BCAS4: variants seen among roughly 807,000 people sequenced by gnomAD.
BCAS4 encodes breast carcinoma amplified sequence 4.
Under a neutral mutation model 15.7 loss-of-function variants are expected in BCAS4, and 9 were observed. The observed-to-expected ratio is 0.57, with a 90% CI of 0.34 to 1.00. The LOEUF is 1.00. BCAS4 is among the 50% of genes least tolerant of loss of function. BCAS4 has a pLI of 0.02. For missense variants in BCAS4, 225 were observed against 239.1 expected (o/e 0.94, Z 0.39); for synonymous variants, 101 against 99.5 (o/e 1.02, Z -0.09).
intron 1 of BCAS4, among the ~76,000 whole-genome samples, chr20:50,803,769 G>A (rs185279261): frequency 1.3e-5 from 2 of 149,792 alleles, no homozygotes; most frequent in Admixed American, 6.7e-5. Flanking sequence ...CTTCAGCCTT[G>A]GGGACAAAAT....
At chr20:50,858,901 A>G (rs1370088913) in intron 4 of BCAS4, among the ~76,000 whole-genome samples, 1 of 146,382 alleles carries the variant, frequency 6.8e-6, no homozygotes, top group Non-Finnish European at 1.5e-5. Context: ...TAACTTTTGT[A>G]TTTTTTGTAG....
At position 50,840,530 on chromosome 20, in the gene BCAS4, C is replaced by G. The variant is rs766299462; in HGVS notation, c.265-1236C>G. 2.6e-5 allele frequency: 38 copies of G among 1,436,996 alleles called. 2 individuals are homozygous for G. In the South Asian group the frequency reaches 4.2e-4, roughly 16 times the overall value. 89.0% of individuals were successfully genotyped at this position (1,436,996 alleles called of 1,614,324 possible). A position where few individuals can be genotyped will look rare whatever the true frequency, so the allele number is the denominator to read the frequency against. ...TAAACTTGATCCAACCTCTTTGCATCTTACAGAGTTAAACAGCTAAAAGAA... is the reference window on the plus strand; with the variant it reads ...TAAACTTGATCCAACCTCTTTGCATGTTACAGAGTTAAACAGCTAAAAGAA... On this transcript the variant is annotated intron_variant, in intron 3 of 4. Coordinates refer to ENST00000371608, the MANE Select transcript of BCAS4 (RefSeq NM_198799.4).
Position 50,851,387 on chromosome 20 carries a change from G to A in BCAS4, c.399+9487G>A, listed in dbSNP as rs562878396. Among the ~76,000 whole-genome samples the A allele has an allele frequency of 1.8e-4, 27 of 152,306 alleles. No individual in the cohort carries two copies. In the South Asian group the frequency reaches 5.2e-3, roughly 29 times the overall value. On this transcript the variant is annotated intron_variant, in intron 4 of 4. Transcript: ENST00000371608. This position sits in a 1 kb window ranked among gnomAD's most constrained non-coding sequence, Gnocchi z 4.3. The stretch of plus-strand genomic sequence containing the variant: ...CCCACGGCTCCCAGGGACCTCCCGG[G>A]TTCGTTTCCTTCAAGGTCTTTGGTG...
rs186177104 is a variant in BCAS4, at chr20:50,850,482, T to G, written c.399+8582T>G. Among the ~76,000 whole-genome samples the G allele has an allele frequency of 5.1e-4, 78 of 152,334 alleles. No homozygotes were observed. The Middle Eastern group carries it at 0.01, about 20-fold the overall frequency. ...TCGAGATCTTTGGGCTAGTTCTGCC[T>G]CAACCACACTTGCTCTTCGGCCAGC... On this transcript the variant is annotated intron_variant, in intron 4 of 4. Transcript: ENST00000371608.
intron 3 of BCAS4, among the ~76,000 whole-genome samples, chr20:50,833,383 C>T (rs1425111179): frequency 6.6e-6 from 1 of 152,170 alleles, no homozygotes; most frequent in African/African-American, 2.4e-5. Flanking sequence ...GGGCACACAC[C>T]CCAGAGCCAG....
At chr20:50,882,174 C>T (rs1236337095), downstream of BCAS4, 1 of 150,832 alleles carries the variant, frequency 6.6e-6, no homozygotes, top group Non-Finnish European at 1.5e-5. Flanking sequence ...CAAAGCAAAA[C>T]CCAATCTCTT....
chr20:50,804,065 T>C (rs1205673450), intron 1 of BCAS4, among the ~76,000 whole-genome samples: 1 of 151,876 alleles, frequency 6.6e-6, no homozygotes, highest in Non-Finnish European at 1.5e-5. Context: ...TGAGATGGAG[T>C]TTCGCTCTTG....
At chr20:50,840,891 G>A (rs1465731225) in intron 3 of BCAS4, 12 of 681,918 alleles carry the variant, frequency 1.8e-5, no homozygotes, top group East Asian at 2.7e-5. Context: ...CTGCAATGGC[G>A]CGATCTCAGC....
At chr20:50,836,865 G>A (rs1209525035) in intron 3 of BCAS4, among the ~76,000 whole-genome samples, 3 of 151,996 alleles carry the variant, frequency 2.0e-5, no homozygotes, top group East Asian at 1.9e-4. Context: ...GTGCCACCAC[G>A]CCCAGCTAAT....
chr20:50,799,492 G>C (rs1031888008), intron 1 of BCAS4, among the ~76,000 whole-genome samples: 1 of 152,158 alleles, frequency 6.6e-6, no homozygotes, highest in Non-Finnish European at 1.5e-5. Flanking sequence ...ACATGAGCAG[G>C]AAAAGGAAAA....
At chr20:50,795,241 C>A in intron 1 of BCAS4, 68 bp downstream of exon 1, 1 of 1,246,190 alleles carries the variant, frequency 8.0e-7, no homozygotes, top group South Asian at 2.7e-5. Flanking sequence ...TCCGGACCCT[C>A]GGCTTCCCCG....
intron 3 of BCAS4, among the ~76,000 whole-genome samples, chr20:50,832,365 C>T (rs767437012): frequency 2.9e-4 from 44 of 151,990 alleles, no homozygotes; most frequent in Non-Finnish European, 5.6e-4. Context: ...TCAAGTGATT[C>T]TCCTGCCTCA....
chr20:50,814,964 A>G (rs559371379), intron 1 of BCAS4, among the ~76,000 whole-genome samples: 1 of 152,252 alleles, frequency 6.6e-6, no homozygotes, highest in African/African-American at 2.4e-5. Flanking sequence ...AAATACAAAA[A>G]AAGAGAGAAA....
At chr20:50,796,485 ATATTTTTTTTTTT>A (rs2087865037) in intron 1 of BCAS4, among the ~76,000 whole-genome samples, 2 of 10,312 alleles carry the variant, frequency 1.9e-4, no homozygotes, top group African/African-American at 8.1e-4. Context: ...ATATATATAT[ATATTTTTTTTTTT>A]TTTTTTTTTT....
chr20:50,872,940 C>T (rs1164935721), intron 4 of BCAS4, among the ~76,000 whole-genome samples: 1 of 152,204 alleles, frequency 6.6e-6, no homozygotes, highest in African/African-American at 2.4e-5. Context: ...CCCCTGGGGG[C>T]TCCTAGTGAT....
intron 1 of BCAS4, among the ~76,000 whole-genome samples, chr20:50,808,783 G>C (rs2088025305): frequency 6.6e-6 from 1 of 152,148 alleles, no homozygotes; most frequent in South Asian, 2.1e-4. Context: ...CCACTCTGTG[G>C]GTTGTCTGTT....
chr20:50,861,232 TC>T (rs1268822300), intron 4 of BCAS4, among the ~76,000 whole-genome samples: 1 of 152,190 alleles, frequency 6.6e-6, no homozygotes, highest in Non-Finnish European at 1.5e-5. Flanking sequence ...GGCCAAGAGT[TC>T]AGCAGCGAAT....
At chr20:50,836,896 A>T (rs144326448) in intron 3 of BCAS4, among the ~76,000 whole-genome samples, 2 of 151,900 alleles carry the variant, frequency 1.3e-5, no homozygotes, top group Admixed American at 6.6e-5. Flanking sequence ...TTCTGTAGAG[A>T]TGGAATTTTG....
At chr20:50,874,160 G>A (rs984976465) in intron 4 of BCAS4, among the ~76,000 whole-genome samples, 3 of 152,070 alleles carry the variant, frequency 2.0e-5, no homozygotes, top group African/African-American at 7.2e-5. Flanking sequence ...TCCTGCTTAC[G>A]AGCTGCAAAG....
Sources: gnomAD v4.1 joint callset for allele counts (sites outside exome capture counted in the v4.1 genomes callset) on GRCh38, gnomAD v4.1.1 for gene constraint, Gnocchi (gnomAD v3.1) non-coding constraint, MANE v1.5 for transcripts, NCBI Gene and HGNC (gene_info 2026-07-23, HGNC 2026-07-21) for gene names.